Variants in MYOM3 observed in about 807,000 individuals in gnomAD.
MYOM3 encodes myomesin-3.
In MYOM3, 155 loss-of-function variants were observed where a neutral mutation model predicts 191.7. The ratio of observed to expected loss-of-function variants is 0.81; its 90% confidence interval spans 0.71 to 0.92. The LOEUF (loss-of-function observed/expected upper bound fraction) is 0.92. MYOM3 is among the 40% of genes least tolerant of loss of function. The pLI is 0.00. For missense variants in MYOM3, 1,889 were observed against 1,890.6 expected (o/e 1.00, Z 0.02); for synonymous variants, 757 against 762.9 (o/e 0.99, Z 0.13).
chr1:24,084,311 T>C (rs1283722384), intron 16 of MYOM3, 157 bp downstream of exon 16: 1 of 740,834 alleles, frequency 1.3e-6, no homozygotes, highest in Admixed American at 2.7e-5. Context: ...TCCGCCATAA[T>C]CATAAGTTTC....
intron 15 of MYOM3, among the ~76,000 whole-genome samples, chr1:24,085,186 A>G (rs1237140532): frequency 6.6e-6 from 1 of 150,792 alleles, no homozygotes; most frequent in East Asian, 1.9e-4. Context: ...GAATAAATGG[A>G]TGGATGGATG....
intron 33 of MYOM3, among the ~76,000 whole-genome samples, chr1:24,061,709 A>G (rs1229556556): frequency 6.6e-6 from 1 of 151,912 alleles, no homozygotes; most frequent in Non-Finnish European, 1.5e-5. Context: ...CCTCCCAAGT[A>G]GCTGGGAATA....
Position 24,089,641 on chromosome 1 carries a change from G to A in MYOM3, c.1511C>T (p.Pro504Leu). 1 of 1,590,410 alleles carries A rather than the reference G, an allele frequency of 6.3e-7. No homozygotes were observed. Among genetic ancestry groups the A allele is most frequent in the Non-Finnish European group, 8.6e-7 (1 of 1,168,594 alleles). ...GATCTCGCTGGCATGGACATTGGTTGGCGGTGAGGGGATGGTCACAGTATC... is the reference window on the plus strand; with the variant it reads ...GATCTCGCTGGCATGGACATTGGTTAGCGGTGAGGGGATGGTCACAGTATC... ...FEDTVTIPSP[P>L]TNVHASEIRE... The change falls in exon 14 of 37, where the codon CCA (proline) becomes CTA (leucine). Residue 504 changes from proline to leucine, a missense_variant. Physicochemically the swap from Pro to Leu is moderately conservative, Grantham distance 98. Transcript: ENST00000374434.
intron 24 of MYOM3, 51 bp from the exon 25 acceptor site, chr1:24,071,304 C>A: frequency 6.4e-7 from 1 of 1,559,864 alleles, no homozygotes; most frequent in Admixed American, 1.9e-5. Flanking sequence ...TCTCCCTTTC[C>A]CGCTCCCTTC....
intron 19 of MYOM3, among the ~76,000 whole-genome samples, chr1:24,080,613 C>T (rs1274040282): frequency 1.3e-5 from 2 of 152,160 alleles, no homozygotes; most frequent in Non-Finnish European, 2.9e-5. Flanking sequence ...TTGTTCCTGT[C>T]CCCTCGTCTG....
intron 20 of MYOM3, among the ~76,000 whole-genome samples, chr1:24,079,649 C>G (rs562563351): frequency 1.9e-4 from 29 of 152,340 alleles, no homozygotes; most frequent in African/African-American, 6.7e-4. Flanking sequence ...TGGGCCGTTA[C>G]AAACAAGGCT....
chr1:24,057,497 A>G lies in MYOM3; in HGVS notation c.4181T>C (p.Ile1394Thr), dbSNP rs756299943. ...GCTGTCTTCACTGTTGACCTTCTCA[A>G]TGGTGATGGTGACCTCTGTCCCCCT... is the stretch of plus-strand genomic sequence containing the variant. ...EVRGTEVTITIEKVNSEDSGR... is the reference protein window; with the variant it reads ...EVRGTEVTITTEKVNSEDSGR... The change falls in exon 37 of 37, where the codon ATT becomes ACT. Residue 1394 changes from isoleucine (I) to threonine (T), a missense_variant. Ile to Thr is a moderately conservative substitution (Grantham distance 89, BLOSUM62 -1). Transcript: ENST00000374434. 1.2e-5 allele frequency: 20 copies of G among 1,614,060 alleles called. No homozygotes were observed. Among genetic ancestry groups the G allele is most frequent in the African/African-American group, 9.3e-5 (7 of 74,918 alleles).
rs16829050 is a variant in MYOM3, at chr1:24,061,067, G to A, written c.3987C>T (p.Ile1329=). The A allele has an allele frequency of 2.5e-3, 4,014 of 1,614,014 alleles. 49 individuals are homozygous for A. In the African/African-American group the frequency reaches 0.032, roughly 13 times the overall value. ...EHQRLKTLAI[I]EKNRAKVVRG... Reference sequence around the variant, plus strand: ...AAATATCGGCCGACTTACTCTTCTCGATGATGGCCAAGGTTCTGAAAAACA... The same window carrying A: ...AAATATCGGCCGACTTACTCTTCTCAATGATGGCCAAGGTTCTGAAAAACA... Residue 1329 remains isoleucine, a synonymous_variant, in exon 35 of 37, where the codon ATC becomes ATT. Transcript: ENST00000374434.
Position 24,075,307 on chromosome 1 carries a change from C to A in MYOM3, c.2858+12G>T. The A allele has an allele frequency of 6.2e-7, 1 of 1,611,622 alleles. No homozygotes were observed. The highest frequency in any genetic ancestry group is 2.2e-5 in the East Asian group (1 of 44,856). On this transcript the variant is annotated intron_variant, in intron 22 of 36. Transcript: ENST00000374434. The stretch of plus-strand genomic sequence containing the variant: ...CCCGTTGAGCAGTTGTTTCTCCTCT[C>A]GCCTCACTTACTTGTTAACTTTATC...
chr1:24,109,254 A>T (rs1316746032), intron 1 of MYOM3, among the ~76,000 whole-genome samples: 4 of 152,198 alleles, frequency 2.6e-5, no homozygotes, highest in Non-Finnish European at 1.5e-5. Context: ...ACAGGGTGTG[A>T]TCCCAGCTCC....
At chr1:24,084,001 G>T (rs1487659595) in intron 16 of MYOM3, 1 of 174,588 alleles carries the variant, frequency 5.7e-6, no homozygotes, top group Non-Finnish European at 1.2e-5. Context: ...ATTGTGAAAT[G>T]CTGGGCTTCA....
rs909439060 is a variant in MYOM3 at position 24,067,146 on chromosome 1, A to G, written c.3356-58T>C. 118 of 1,525,644 alleles carry G rather than the reference A, an allele frequency of 7.7e-5. No homozygotes were observed. The South Asian group carries it at 1.3e-3, about 17-fold the overall frequency. 94.5% of individuals were successfully genotyped at this position (1,525,644 alleles called of 1,614,324 possible). A position where few individuals can be genotyped will look rare whatever the true frequency, so the allele number is the denominator to read the frequency against. ...GAGAGCCAGGCTCAGCCAGGGTGCC[A>G]CCTGTGTCCAGGCAGTGCTGGGGGG... is the stretch of plus-strand genomic sequence containing the variant. On this transcript the variant is annotated intron_variant, in intron 27 of 36. Transcript: ENST00000374434.
In MYOM3 at chr1:24,063,514, G is replaced by A. The variant is rs1643398004; in HGVS notation, c.3639C>T (p.Phe1213=). The A allele has an allele frequency of 1.2e-6, 2 of 1,614,210 alleles. No homozygotes were observed. Among genetic ancestry groups the A allele is most frequent in the East Asian group, 4.5e-5 (2 of 44,878 alleles). ...DLTGDALDAI[F]TELGRIGALS... is the part of the protein sequence containing the mutation. ...TACCACCAATCCTGCCCAACTCGGT[G>A]AAGATGGCATCCAGGGCTGGCGGGA... The change falls in exon 31 of 37, where the codon TTC becomes TTT. Residue 1213 remains phenylalanine (F), a synonymous_variant. Transcript: ENST00000374434. This position sits in a 1 kb window ranked among gnomAD's most constrained non-coding sequence, Gnocchi z 4.5.
intron 6 of MYOM3, among the ~76,000 whole-genome samples, chr1:24,099,131 C>T (rs1382739011): frequency 1.3e-5 from 2 of 152,132 alleles, no homozygotes; most frequent in African/African-American, 4.8e-5. Flanking sequence ...CGTGTGGCCT[C>T]CCAGCATGCA....
At chr1:24,070,273 G>C (rs1643510063) in intron 25 of MYOM3, among the ~76,000 whole-genome samples, 1 of 152,136 alleles carries the variant, frequency 6.6e-6, no homozygotes, top group Non-Finnish European at 1.5e-5. Context: ...GCAGGAAAAT[G>C]AATGAGCATA....
At position 24,082,599 on chromosome 1, in the gene MYOM3, C is replaced by G. The variant is rs774895816; in HGVS notation, c.2086G>C (p.Ala696Pro). The G allele has an allele frequency of 1.9e-6, 3 of 1,603,780 alleles. No individual in the cohort carries two copies. The highest frequency in any genetic ancestry group is 3.4e-5 in the Admixed American group (2 of 58,254). Residue 696 changes from alanine (A) to proline (P), a missense_variant, in exon 17 of 37, where the codon GCT (alanine) becomes CCT (proline). Coordinates refer to ENST00000374434, the MANE Select transcript of MYOM3 (RefSeq NM_152372.4). ...GACCTGCCCTTGGACTCACCCAGAG[C>G]CTGCTTGACCCTGATGGGCTCGGTG... ...AATEPIRVKQ[A>P]LATPSAPYGF...
At chr1:24,084,869 A>G (rs1378737231) in intron 15 of MYOM3, among the ~76,000 whole-genome samples, 1 of 152,198 alleles carries the variant, frequency 6.6e-6, no homozygotes, top group Non-Finnish European at 1.5e-5. Flanking sequence ...ACTAAAGCAC[A>G]AAAGCATACT....
intron 16 of MYOM3, chr1:24,082,999 C>T (rs1643692681): frequency 3.7e-6 from 1 of 269,220 alleles, no homozygotes; most frequent in African/African-American, 2.2e-5. Flanking sequence ...GCAGCCAACC[C>T]CAAACCCAGC....
In MYOM3 at chr1:24,081,210, G is replaced by A. The variant is rs1490454332; in HGVS notation, c.2407+120C>T. The stretch of plus-strand genomic sequence containing the variant: ...TTTGTGCAAGGGCCAGGGGCCTGGG[G>A]TGCAGGACAAACAGTGCAAGCCTGA... On this transcript the variant is annotated intron_variant, in intron 19 of 36. Transcript: ENST00000374434. 7 of 1,301,906 alleles carry A rather than the reference G, an allele frequency of 5.4e-6. No individual in the cohort carries two copies. In the Admixed American group the frequency reaches 6.7e-5, roughly 12 times the overall value. 80.6% of individuals were successfully genotyped at this position (1,301,906 alleles called of 1,614,324 possible).
Sources: allele counts gnomAD v4.1 joint callset (sites outside exome capture counted in the v4.1 genomes callset), GRCh38; gene constraint gnomAD v4.1.1; non-coding constraint Gnocchi (gnomAD v3.1); transcripts MANE v1.5; gene names NCBI Gene and HGNC (gene_info 2026-07-23, HGNC 2026-07-21).